The following TUSC7 variants were observed in gnomAD, a reference collection of about 807,000 sequenced individuals.
TUSC7 encodes the protein tumor suppressor candidate 7.
intron 1 of TUSC7, among the ~76,000 whole-genome samples, chr3:116,715,040 T>C (rs1027811472): frequency 2.6e-5 from 4 of 152,214 alleles, no homozygotes; most frequent in Non-Finnish European, 5.9e-5. Flanking sequence ...ACTGTTTCCA[T>C]AGTTTTGCCT....
At chr3:116,710,865 C>A (rs545894481) in intron 1 of TUSC7, among the ~76,000 whole-genome samples, 3 of 152,150 alleles carry the variant, frequency 2.0e-5, no homozygotes, top group Non-Finnish European at 4.4e-5. Context: ...ATGGCATTAA[C>A]CCCATAGATA....
At chr3:116,713,893 G>C (rs998248581) in intron 1 of TUSC7, 9 of 152,238 alleles carry the variant, frequency 5.9e-5, no homozygotes, top group Non-Finnish European at 1.2e-4. Flanking sequence ...TTGAACCCGG[G>C]AGGCAGAGGT....
chr3:116,711,698 A>G (rs1308091561), intron 1 of TUSC7, among the ~76,000 whole-genome samples: 1 of 152,194 alleles, frequency 6.6e-6, no homozygotes, highest in Non-Finnish European at 1.5e-5. Context: ...CTTTAAACAT[A>G]AGCATAAAGC....
chr3:116,710,196 C>T (rs2051451352), intron 1 of TUSC7: 1 of 152,096 alleles, frequency 6.6e-6, no homozygotes, highest in Non-Finnish European at 1.5e-5. Flanking sequence ...GATTACTATT[C>T]CCACAAGTGT....
intron 1 of TUSC7, among the ~76,000 whole-genome samples, chr3:116,713,250 A>G (rs1437125991): frequency 6.6e-6 from 1 of 152,198 alleles, no homozygotes; most frequent in Non-Finnish European, 1.5e-5. Flanking sequence ...TAGATGACCC[A>G]GTGAGAAAAA....
At chr3:116,711,513 T>C (rs1272537509) in intron 1 of TUSC7, among the ~76,000 whole-genome samples, 1 of 152,204 alleles carries the variant, frequency 6.6e-6, no homozygotes, top group African/African-American at 2.4e-5. Context: ...ATTTTTAAGA[T>C]ACTTGCAGCT....
intron 1 of TUSC7, among the ~76,000 whole-genome samples, chr3:116,713,676 C>T (rs1245467208): frequency 1.3e-5 from 2 of 152,160 alleles, no homozygotes; most frequent in Admixed American, 6.5e-5. Context: ...ATCTAAGAAG[C>T]TAGACTAGGC....
intron 1 of TUSC7, among the ~76,000 whole-genome samples, chr3:116,715,516 T>C (rs1307084844): frequency 6.6e-6 from 1 of 152,194 alleles, no homozygotes; most frequent in Non-Finnish European, 1.5e-5. Context: ...ATTTTAGGAA[T>C]TCTAGTATAT....
At chr3:116,710,601 T>C (rs2051454986) in intron 1 of TUSC7, among the ~76,000 whole-genome samples, 1 of 152,106 alleles carries the variant, frequency 6.6e-6, no homozygotes, top group Non-Finnish European at 1.5e-5. Flanking sequence ...AAAACTGATA[T>C]GAAAGAAAAT....
At chr3:116,714,253 T>C (rs2051486760) in intron 1 of TUSC7, 1 of 152,198 alleles carries the variant, frequency 6.6e-6, no homozygotes, top group Admixed American at 6.5e-5. Context: ...TTAGAAATTT[T>C]ACCTTTCACC....
intron 1 of TUSC7, among the ~76,000 whole-genome samples, chr3:116,714,792 T>C (rs930285230): frequency 3.3e-5 from 5 of 152,196 alleles, no homozygotes; most frequent in Non-Finnish European, 7.3e-5. Context: ...TGGGCCCCAC[T>C]AGAATGGAAC....
At chr3:116,714,030 T>A (rs2051485089) in intron 1 of TUSC7, 1 of 152,032 alleles carries the variant, frequency 6.6e-6, no homozygotes, top group Non-Finnish European at 1.5e-5. Flanking sequence ...TTTTTTCTGG[T>A]TCATACAGTG....
intron 1 of TUSC7, among the ~76,000 whole-genome samples, chr3:116,714,740 A>G (rs2107472516): frequency 6.6e-6 from 1 of 152,286 alleles, no homozygotes; most frequent in East Asian, 1.9e-4. Context: ...GATTTCTCAT[A>G]TAGCCCCTCC....
Position 116,713,483 on chromosome 3 carries a change from G to A in TUSC7, n.98+3607G>A, listed in dbSNP as rs181157705. 9.1e-4 allele frequency among the ~76,000 whole-genome samples: 138 copies of A among 152,316 alleles called. 1 individual carries two copies. Among genetic ancestry groups the A allele is most frequent in the Non-Finnish European group, 2.2e-4 (15 of 68,032 alleles). On this transcript the variant is annotated intron_variant and non_coding_transcript_variant, in intron 1 of 2. Coordinates refer to ENST00000477805, the Ensembl canonical transcript of TUSC7. Reference sequence around the variant, plus strand: ...TCAAGTCTGCTAAGAGATGTCACTTGTGTTTTGTTGCCTTCAACCACCTAT... The same window carrying A: ...TCAAGTCTGCTAAGAGATGTCACTTATGTTTTGTTGCCTTCAACCACCTAT...
intron 1 of TUSC7, among the ~76,000 whole-genome samples, chr3:116,711,319 G>C (rs139744078): frequency 9.2e-5 from 14 of 152,268 alleles, no homozygotes; most frequent in African/African-American, 3.4e-4. Flanking sequence ...ACAGCACAAA[G>C]TAGAGTAACA....
chr3:116,713,817 T>C (rs963214970), intron 1 of TUSC7, among the ~76,000 whole-genome samples: 1 of 151,986 alleles, frequency 6.6e-6, no homozygotes, highest in Non-Finnish European at 1.5e-5. Flanking sequence ...TATACAAAAA[T>C]GAGCCGGGCA....
At chr3:116,713,954 G>A (rs371689538) in intron 1 of TUSC7, 9 of 152,204 alleles carry the variant, frequency 5.9e-5, no homozygotes, top group East Asian at 3.9e-4. Flanking sequence ...TGATAAGAGC[G>A]AAAATCCATC....
chr3:116,710,851 C>A (rs16825358), intron 1 of TUSC7, among the ~76,000 whole-genome samples: 42,331 of 151,828 alleles, frequency 0.28, 6,360 homozygotes, highest in South Asian at 0.51. Context: ...CCTTACTATA[C>A]CCCATGGCAT....
chr3:116,713,302 G>A (rs1302419828), intron 1 of TUSC7, among the ~76,000 whole-genome samples: 2 of 152,038 alleles, frequency 1.3e-5, no homozygotes, highest in South Asian at 4.1e-4. Flanking sequence ...TTTTTCTTGG[G>A]TGCTGTATTA....
Sources: allele counts gnomAD v4.1 joint callset (sites outside exome capture counted in the v4.1 genomes callset), GRCh38; gene constraint gnomAD v4.1.1; transcripts MANE v1.5; gene names NCBI Gene and HGNC (gene_info 2026-07-23, HGNC 2026-07-21).